Variants in DNAJC21 observed in about 807,000 individuals in gnomAD.
The protein encoded by DNAJC21 is DnaJ heat shock protein family (Hsp40) member C21.
DNAJC21 carries 63 observed loss-of-function variants against 72.4 expected under a neutral mutation model. The observed-to-expected ratio is 0.87, with a 90% CI of 0.71 to 1.07. DNAJC21 has a LOEUF of 1.07. Ranked by LOEUF, DNAJC21 falls within the 50% of genes least tolerant of loss-of-function variation. The probability of loss-of-function intolerance (pLI) is 0.00; values close to 1 mark genes in which losing one functional copy is unlikely to be tolerated. For missense variants in DNAJC21, 634 were observed against 644.8 expected, an observed-to-expected ratio of 0.98 and a Z score of 0.18; for synonymous variants, 203 against 216.7, an observed-to-expected ratio of 0.94 and a Z score of 0.56.
chr5:34,954,072 G>C (rs1765462644), intron 11 of DNAJC21, 71 bp downstream of exon 11: 1 of 1,395,000 alleles, frequency 7.2e-7, no homozygotes, highest in African/African-American at 1.5e-5. Context: ...TCTAAAGATG[G>C]AAATGTGTAT....
chr5:34,954,478 C>T, intron 11 of DNAJC21, 75 bp from the exon 12 acceptor site: 1 of 1,457,000 alleles, frequency 6.9e-7, no homozygotes, highest in Non-Finnish European at 9.2e-7. Context: ...GATGCTTAAT[C>T]TTGATATTAA....
intron 2 of DNAJC21, among the ~76,000 whole-genome samples, chr5:34,934,824 G>A (rs2112028053): frequency 6.6e-6 from 1 of 152,270 alleles, no homozygotes; most frequent in South Asian, 2.1e-4. Context: ...TGGTTGTCAA[G>A]AAAGAAAGGC....
At chr5:34,942,033 C>T (rs755417119) in intron 7 of DNAJC21, among the ~76,000 whole-genome samples, 26 of 152,284 alleles carry the variant, frequency 1.7e-4, no homozygotes, top group Middle Eastern at 3.4e-3. Context: ...GATTGTCACT[C>T]ATCCCAGTAT....
chr5:34,954,000 T>G lies in DNAJC21; in HGVS notation c.1433T>G (p.Met478Arg). 1.2e-6 allele frequency: 2 copies of G among 1,608,026 alleles called. No homozygotes were observed. Among genetic ancestry groups the G allele is most frequent in the Non-Finnish European group, 1.7e-6 (2 of 1,177,726 alleles). ...AGAGTACCTGCTGAACCACAAACAA[T>G]GGTAGGTCAAAATCATATTCATATC... ...PVRVPAEPQT[M>R]SVLISCTTCH... Residue 478 changes from methionine (M) to arginine (R), a missense_variant and splice_region_variant, in exon 11 of 12, where the codon ATG becomes AGG. By Grantham distance (91) the Met-to-Arg change is moderately conservative. Transcript: ENST00000648817.
intron 2 of DNAJC21, 39 bp from the exon 3 acceptor site, chr5:34,935,671 T>C: frequency 6.2e-7 from 1 of 1,611,526 alleles, no homozygotes; most frequent in Non-Finnish European, 8.5e-7. Context: ...AATTCTTACT[T>C]ATTCAGCCTT....
At chr5:34,942,015 G>C (rs752067090) in intron 7 of DNAJC21, among the ~76,000 whole-genome samples, 4 of 152,098 alleles carry the variant, frequency 2.6e-5, no homozygotes, top group Non-Finnish European at 4.4e-5. Flanking sequence ...CATTAAACCT[G>C]TTGTACTGAT....
chr5:34,950,719 G>C (rs1283264713), intron 10 of DNAJC21: 1 of 992,742 alleles, frequency 1.0e-6, no homozygotes, highest in African/African-American at 1.7e-5. Flanking sequence ...CCATGCTCAC[G>C]ACAGCAGCCT....
intron 1 of DNAJC21, among the ~76,000 whole-genome samples, chr5:34,930,596 T>C (rs965826767): frequency 6.6e-6 from 1 of 152,130 alleles, no homozygotes; most frequent in Non-Finnish European, 1.5e-5. Context: ...GTTTCATTGG[T>C]CTGTAATCCA....
In DNAJC21 at chr5:34,935,779, T is replaced by C. The variant is rs760639104; in HGVS notation, c.261T>C (p.Asp87=). The C allele has an allele frequency of 6.2e-7, 1 of 1,614,018 alleles. No homozygotes were observed. Among genetic ancestry groups the C allele is most frequent in the South Asian group, 1.1e-5 (1 of 91,086 alleles). ...FDGEYQDDSL[D]LLRYFTVTCY... ...GCGAATATCAAGATGACAGCTTAGA[T>C]TTGCTACGCTATTTCACCGTTACCT... is the stretch of plus-strand genomic sequence containing the variant. Residue 87 remains aspartate (D), a synonymous_variant, in exon 3 of 12, where the codon GAT becomes GAC. Transcript: ENST00000648817.
chr5:34,950,488 CACAT>C (rs1243881705), intron 10 of DNAJC21, 146 bp downstream of exon 10: 2 of 1,400,742 alleles, frequency 1.4e-6, no homozygotes, highest in Non-Finnish European at 9.3e-7. Flanking sequence ...GATACACACA[CACAT>C]ATGTATACAG....
intron 6 of DNAJC21, among the ~76,000 whole-genome samples, chr5:34,939,835 A>G (rs552073948): frequency 3.5e-4 from 53 of 152,240 alleles, no homozygotes; most frequent in Middle Eastern, 3.4e-3. Context: ...CACTGTCTCT[A>G]TAAAATTGAC....
Position 34,938,998 on chromosome 5 carries a change from A to G in DNAJC21, c.884A>G (p.Asp295Gly). The G allele has an allele frequency of 6.2e-7, 1 of 1,602,328 alleles. No individual in the cohort carries two copies. The highest frequency in any genetic ancestry group is 1.7e-5 in the Admixed American group (1 of 57,996). Residue 295 changes from aspartate (D) to glycine (G), a missense_variant, in exon 6 of 12, where the codon GAT (aspartate) becomes GGT (glycine). Coordinates refer to ENST00000648817, the MANE Select transcript of DNAJC21 (RefSeq NM_001012339.3). ...ENEMEEHELK[D>G]EEDGKDSDEA... ...GAAATGGAAGAACATGAACTCAAAGATGAGGAGGATGGTAATATTATTTTT... is the reference window on the plus strand; with the variant it reads ...GAAATGGAAGAACATGAACTCAAAGGTGAGGAGGATGGTAATATTATTTTT...
chr5:34,933,994 C>A, intron 2 of DNAJC21, 86 bp downstream of exon 2: 2 of 1,190,614 alleles, frequency 1.7e-6, no homozygotes, highest in Non-Finnish European at 2.4e-6. Flanking sequence ...AAATTTAGTA[C>A]ATTAAATGGT....
At chr5:34,940,801 C>G (rs148284545) in intron 6 of DNAJC21, among the ~76,000 whole-genome samples, 2 of 152,108 alleles carry the variant, frequency 1.3e-5, no homozygotes, top group Non-Finnish European at 2.9e-5. Context: ...AAAACTGCTT[C>G]GTGGTAGAAC....
chr5:34,943,437 C>G (rs890147883), intron 7 of DNAJC21, among the ~76,000 whole-genome samples: 1 of 152,210 alleles, frequency 6.6e-6, no homozygotes, highest in Non-Finnish European at 1.5e-5. Flanking sequence ...GCTGGAGACA[C>G]GTAAAGTCCT....
chr5:34,945,624 A>G (rs529609034), intron 8 of DNAJC21, 137 bp from the exon 9 acceptor site: 1 of 685,074 alleles, frequency 1.5e-6, no homozygotes, highest in East Asian at 3.1e-5. Flanking sequence ...TTTCCTTTTA[A>G]TGCTTTAAGA....
intron 9 of DNAJC21, among the ~76,000 whole-genome samples, chr5:34,949,279 G>A (rs1485081720): frequency 1.3e-5 from 2 of 152,076 alleles, no homozygotes; most frequent in African/African-American, 2.4e-5. Context: ...AACAAAGCCA[G>A]ATTATGGGAC....
chr5:34,936,904 C>T (rs1254343723), intron 4 of DNAJC21, among the ~76,000 whole-genome samples: 2 of 152,140 alleles, frequency 1.3e-5, no homozygotes, highest in African/African-American at 4.8e-5. Flanking sequence ...GCTCCCACCA[C>T]CATGCTCAGC....
In DNAJC21 at chr5:34,937,643, C is replaced by G. The variant is rs762077478; in HGVS notation, c.743+13C>G. ...TAAAGCAGGCCAAGTGCGTAGCGTG[C>G]GTGGGGCCCTCTTCTCAGTATCGGT... is the stretch of plus-strand genomic sequence containing the variant. On this transcript the variant is annotated intron_variant, in intron 5 of 11. Coordinates refer to ENST00000648817, the MANE Select transcript of DNAJC21 (RefSeq NM_001012339.3). 6.3e-7 allele frequency: 1 copy of G among 1,599,060 alleles called. No homozygotes were observed. The highest frequency in any genetic ancestry group is 8.5e-7 in the Non-Finnish European group (1 of 1,172,482).
Sources: gnomAD v4.1 joint callset for allele counts (sites outside exome capture counted in the v4.1 genomes callset) on GRCh38, gnomAD v4.1.1 for gene constraint, MANE v1.5 for transcripts, NCBI Gene and HGNC (gene_info 2026-07-23, HGNC 2026-07-21) for gene names.